MTUS2: variants seen among roughly 807,000 people sequenced by gnomAD.
MTUS2 encodes microtubule associated scaffold protein 2.
Under a neutral mutation model 114.1 loss-of-function variants are expected in MTUS2, and 40 were observed. That is an observed-to-expected ratio of 0.35 (90% CI 0.27 to 0.46). The LOEUF (loss-of-function observed/expected upper bound fraction) is 0.46. Ranked by LOEUF, MTUS2 falls within the 20% of genes least tolerant of loss-of-function variation. MTUS2 has a pLI of 1.00. For synonymous variants in MTUS2, 688 were observed against 672.0 expected (o/e 1.02, Z -0.37); for missense variants, 1,679 against 1,705.4 (o/e 0.98, Z 0.27).
chr13:28,877,347 A>G (rs1002389686), intron 2 of MTUS2, among the ~76,000 whole-genome samples: 4 of 151,462 alleles, frequency 2.6e-5, no homozygotes, highest in African/African-American at 9.7e-5. Context: ...AACAGAACTT[A>G]TTTAAGTAGC....
At chr13:29,440,100 C>G (rs1227301981) in intron 9 of MTUS2, 51 bp downstream of exon 9, 13 of 1,519,586 alleles carry the variant, frequency 8.6e-6, no homozygotes, top group Non-Finnish European at 1.1e-5. Flanking sequence ...TTTCCTGATT[C>G]CTGTGAATGT....
chr13:28,848,164 G>A (rs1427362805), intron 2 of MTUS2, among the ~76,000 whole-genome samples: 1 of 152,130 alleles, frequency 6.6e-6, no homozygotes, highest in African/African-American at 2.4e-5. Flanking sequence ...TGCTGAGAAC[G>A]TCAAAAGGAA....
rs1882600179 is a variant in MTUS2, at chr13:29,497,138, G to A, written c.3580-100G>A. The A allele has an allele frequency of 5.0e-6, 5 of 999,808 alleles. No individual in the cohort carries two copies. The South Asian group carries it at 5.5e-5, about 11-fold the overall frequency. 61.9% of individuals were successfully genotyped at this position (999,808 alleles called of 1,614,324 possible). A position where few individuals can be genotyped will look rare whatever the true frequency, so the allele number is the denominator to read the frequency against. The stretch of plus-strand genomic sequence containing the variant: ...GCCCCAAGGGAAACACTCTGAGGAT[G>A]CCCAGGGCACAGTGGTGGCCTGCTG... On this transcript the variant is annotated intron_variant, in intron 12 of 15. Transcript: ENST00000612955.
intron 2 of MTUS2, among the ~76,000 whole-genome samples, chr13:28,921,392 A>G (rs1188842282): frequency 2.0e-5 from 3 of 152,332 alleles, no homozygotes; most frequent in Non-Finnish European, 4.4e-5. Flanking sequence ...CTGAGCTGGT[A>G]TCCAAGATGT....
rs749671056 is a variant in MTUS2, at chr13:29,359,443, C to T, written c.3087C>T (p.Leu1029=). ...GGGCCATCTGCGGCTTTGATGCCCT[C>T]GCCGTGGCCACGCAGCATTTCTTTA... ...LKRAICGFDA[L]AVATQHFFRK... is the part of the protein sequence containing the mutation. The change falls in exon 8 of 16, where the codon CTC becomes CTT. Residue 1029 remains leucine (L), a synonymous_variant. Transcript: ENST00000612955. 7.4e-6 allele frequency: 12 copies of T among 1,612,446 alleles called. No homozygotes were observed. The highest frequency in any genetic ancestry group is 1.7e-5 in the Admixed American group (1 of 59,954).
rs1446083366 is a variant in MTUS2, at chr13:29,148,655, T to A, written c.2644+47685T>A. 1.8e-5 allele frequency among the ~76,000 whole-genome samples: 2 copies of A among 113,570 alleles called. 1 individual carries two copies. Among genetic ancestry groups the A allele is most frequent in the African/African-American group, 5.3e-5 (2 of 37,984 alleles). 74.5% of individuals were successfully genotyped at this position (113,570 alleles called of 152,430 possible). A position where few individuals can be genotyped will look rare whatever the true frequency, so the allele number is the denominator to read the frequency against. Reference sequence around the variant, plus strand: ...CACCACGCCCGGCTAATTTTTTGTATTTTTAGTAGAGACGGGGTTTCACCG... The same window carrying A: ...CACCACGCCCGGCTAATTTTTTGTAATTTTAGTAGAGACGGGGTTTCACCG... On this transcript the variant is annotated intron_variant, in intron 5 of 15. Coordinates refer to ENST00000612955, the MANE Select transcript of MTUS2 (RefSeq NM_001033602.4).
At chr13:29,467,517 C>T (rs572064443) in intron 9 of MTUS2, among the ~76,000 whole-genome samples, 1 of 152,170 alleles carries the variant, frequency 6.6e-6, no homozygotes, top group Non-Finnish European at 1.5e-5. Context: ...ACTCTGCAAG[C>T]CCAAATTAAC....
intron 12 of MTUS2, 144 bp downstream of exon 12, chr13:29,492,863 A>G (rs933106937): frequency 4.5e-6 from 3 of 665,626 alleles, no homozygotes; most frequent in East Asian, 5.5e-5. Context: ...CATACTCGCT[A>G]CTCTTAAGAA....
At chr13:29,257,579 A>T (rs1897322488) in intron 5 of MTUS2, among the ~76,000 whole-genome samples, 1 of 152,198 alleles carries the variant, frequency 6.6e-6, no homozygotes, top group Non-Finnish European at 1.5e-5. Flanking sequence ...TGATCTTAAA[A>T]GGAGTTTGGA....
At chr13:29,250,036 A>G (rs1897068862) in intron 5 of MTUS2, among the ~76,000 whole-genome samples, 1 of 152,220 alleles carries the variant, frequency 6.6e-6, no homozygotes, top group Non-Finnish European at 1.5e-5. Flanking sequence ...AGATGTAATT[A>G]AAGAGCTTCT....
At chr13:29,187,390 A>C (rs758817165) in intron 5 of MTUS2, among the ~76,000 whole-genome samples, 4 of 152,188 alleles carry the variant, frequency 2.6e-5, no homozygotes, top group Non-Finnish European at 5.9e-5. Context: ...GACTCAAATG[A>C]CTAAAATCAG....
intron 5 of MTUS2, among the ~76,000 whole-genome samples, chr13:29,198,477 G>T (rs1383674138): frequency 6.6e-6 from 1 of 152,162 alleles, no homozygotes; most frequent in African/African-American, 2.4e-5. Flanking sequence ...CTGTAGCCTT[G>T]TAGTATAGTT....
rs184651294 is a variant in MTUS2, at chr13:29,336,948, G to A, written c.2905+12237G>A. Among the ~76,000 whole-genome samples, 706 of 152,260 alleles carry A rather than the reference G, an allele frequency of 4.6e-3. 6 individuals carry two copies. The highest frequency in any genetic ancestry group is 0.016 in the African/African-American group (660 of 41,560). ...AGCAGCTTTGTTTACACTGTGAGGG[G>A]AAAACCACCTACTCAAGCCTCAGTA... On this transcript the variant is annotated intron_variant, in intron 7 of 15. Transcript: ENST00000612955.
intron 8 of MTUS2, among the ~76,000 whole-genome samples, chr13:29,430,893 C>T (rs1876946131): frequency 1.3e-5 from 2 of 152,124 alleles, no homozygotes; most frequent in Admixed American, 1.3e-4. Context: ...CTAACAACCC[C>T]AATAATGTTG....
At position 29,454,300 on chromosome 13, in the gene MTUS2, G is replaced by A. The variant is rs539676117; in HGVS notation, c.3184+14251G>A. On this transcript the variant is annotated intron_variant, in intron 9 of 15. Coordinates refer to ENST00000612955, the MANE Select transcript of MTUS2 (RefSeq NM_001033602.4). ...TGGTCAGAGTTTAGCCAGTCAGAAA[G>A]ATGATTCCAGGTGAGGTGTCATCTG... Among the ~76,000 whole-genome samples, 134 of 152,312 alleles carry A rather than the reference G, an allele frequency of 8.8e-4. 6 individuals are homozygous for A. In the South Asian group the frequency reaches 0.025, roughly 28 times the overall value.
chr13:29,311,071 A>C (rs1186491066), intron 6 of MTUS2, among the ~76,000 whole-genome samples: 1 of 152,254 alleles, frequency 6.6e-6, no homozygotes. Context: ...CTGGGGCTAC[A>C]TGTGGATGAA....
chr13:29,026,666 C>T lies in MTUS2; in HGVS notation c.1968C>T (p.Gly656=). The change falls in exon 3 of 16, where the codon GGC becomes GGT. Residue 656 remains glycine (G), a synonymous_variant. Coordinates refer to ENST00000612955, the MANE Select transcript of MTUS2 (RefSeq NM_001033602.4). ...TYIRRNPQAL[G]QVDASLVPVG... ...TCAGGAGGAATCCCCAGGCCCTGGG[C>T]CAGGTGGACGCCTCGCTGGTTCCAG... is the stretch of plus-strand genomic sequence containing the variant. The T allele has an allele frequency of 6.2e-7, 1 of 1,614,018 alleles. No homozygotes were observed. The highest frequency in any genetic ancestry group is 8.5e-7 in the Non-Finnish European group (1 of 1,179,886).
intron 2 of MTUS2, among the ~76,000 whole-genome samples, chr13:28,932,055 A>G (rs1382961591): frequency 2.6e-5 from 4 of 152,186 alleles, no homozygotes; most frequent in African/African-American, 4.8e-5. Context: ...CATTAGTTCA[A>G]ATTGACTAAC....
intron 2 of MTUS2, among the ~76,000 whole-genome samples, chr13:29,023,321 G>A (rs987872831): frequency 1.2e-4 from 18 of 152,326 alleles, no homozygotes; most frequent in African/African-American, 4.1e-4. Context: ...GAAGGCCAGA[G>A]TAAAGCATTT....
Sources: gnomAD v4.1 joint callset for allele counts (sites outside exome capture counted in the v4.1 genomes callset) on GRCh38, gnomAD v4.1.1 for gene constraint, MANE v1.5 for transcripts, NCBI Gene and HGNC (gene_info 2026-07-23, HGNC 2026-07-21) for gene names.